Variants in SLC24A2 observed in about 807,000 individuals in gnomAD.
The protein encoded by SLC24A2 is solute carrier family 24 member 2.
Under a neutral mutation model 62.0 loss-of-function variants are expected in SLC24A2, and 36 were observed. That is an observed-to-expected ratio of 0.58 (90% CI 0.44 to 0.77). SLC24A2 has a LOEUF of 0.77. Ranked by LOEUF, SLC24A2 falls within the 30% of genes least tolerant of loss-of-function variation. The pLI, the probability that SLC24A2 is intolerant of heterozygous loss-of-function variation, is 0.00. For missense variants in SLC24A2, 846 were observed against 817.9 expected (o/e 1.03, Z -0.42); for synonymous variants, 358 against 294.0 (o/e 1.22, Z -2.23).
the SLC24A2 span, among the ~76,000 whole-genome samples, chr9:20,140,459 C>G: frequency 6.6e-6 from 1 of 152,214 alleles, no homozygotes; most frequent in Admixed American, 6.5e-5. Flanking sequence ...TGATGGTAAA[C>G]TTTCTATTCC....
the SLC24A2 span, among the ~76,000 whole-genome samples, chr9:19,915,713 A>G: frequency 6.6e-6 from 1 of 152,126 alleles, no homozygotes; most frequent in African/African-American, 2.4e-5. Flanking sequence ...TCACATACTT[A>G]TCAGCCATTT....
At chr9:20,282,093 TA>T in the SLC24A2 span, among the ~76,000 whole-genome samples, 2 of 152,132 alleles carry the variant, frequency 1.3e-5, no homozygotes, top group Middle Eastern at 3.2e-3. Flanking sequence ...TTTCTTTTAT[TA>T]AAATGATAGG....
chr9:19,947,803 A>AGG, the SLC24A2 span, among the ~76,000 whole-genome samples: 1 of 122,306 alleles, frequency 8.2e-6, no homozygotes, highest in African/African-American at 3.0e-5. Flanking sequence ...AAAAAAAAAA[A>AGG]AAAAAAAAGA....
intron 2 of SLC24A2, among the ~76,000 whole-genome samples, chr9:19,772,940 A>G (rs1184422375): frequency 2.0e-5 from 3 of 152,242 alleles, no homozygotes; most frequent in African/African-American, 7.2e-5. Flanking sequence ...AAAACAATCT[A>G]AATTCATTCA....
At chr9:19,586,973 C>T (rs775152005) in intron 5 of SLC24A2, among the ~76,000 whole-genome samples, 2 of 152,180 alleles carry the variant, frequency 1.3e-5, no homozygotes, top group East Asian at 1.9e-4. Context: ...AAGAGGTAAA[C>T]GAATGAAGAA....
chr9:19,854,375 G>C, the SLC24A2 span, among the ~76,000 whole-genome samples: 52 of 151,430 alleles, frequency 3.4e-4, no homozygotes, highest in African/African-American at 1.2e-3. Flanking sequence ...TGGTTCTCTA[G>C]TTGTGATGTT....
At chr9:19,858,334 C>T in the SLC24A2 span, among the ~76,000 whole-genome samples, 2 of 152,164 alleles carry the variant, frequency 1.3e-5, no homozygotes. Flanking sequence ...TCCTTTCTTA[C>T]ACCATACACA....
intron 2 of SLC24A2, among the ~76,000 whole-genome samples, chr9:19,743,602 G>C (rs958561648): frequency 6.6e-6 from 1 of 152,080 alleles, no homozygotes; most frequent in Non-Finnish European, 1.5e-5. Flanking sequence ...CAAAAAGAGA[G>C]AAAGATTTTG....
At chr9:20,275,117 C>G in the SLC24A2 span, among the ~76,000 whole-genome samples, 1 of 151,990 alleles carries the variant, frequency 6.6e-6, no homozygotes, top group African/African-American at 2.4e-5. Context: ...CTTCTGGCAT[C>G]TGAACTAAGA....
chr9:19,919,194 C>T, the SLC24A2 span, among the ~76,000 whole-genome samples: 2 of 152,164 alleles, frequency 1.3e-5, no homozygotes, highest in African/African-American at 4.8e-5. Context: ...AAGAATAGTG[C>T]TGGCTGTGGC....
the SLC24A2 span, among the ~76,000 whole-genome samples, chr9:20,248,317 T>C: frequency 1.3e-5 from 2 of 152,330 alleles, no homozygotes; most frequent in East Asian, 3.9e-4. Flanking sequence ...AAGAAAGATT[T>C]CAAAAATAGA....
At chr9:19,587,090 C>G (rs1050945204) in intron 5 of SLC24A2, among the ~76,000 whole-genome samples, 2 of 152,084 alleles carry the variant, frequency 1.3e-5, no homozygotes, top group African/African-American at 4.8e-5. Flanking sequence ...TTGTCAAAGC[C>G]CATATTTTGG....
the SLC24A2 span, among the ~76,000 whole-genome samples, chr9:20,296,486 G>T: frequency 4.6e-5 from 7 of 152,202 alleles, no homozygotes; most frequent in Non-Finnish European, 8.8e-5. Context: ...TGTTGACTTT[G>T]TGTGTAAGCA....
At chr9:19,636,326 T>TTCTTTTCTTTTCCTTC (rs1491476004) in intron 2 of SLC24A2, among the ~76,000 whole-genome samples, 1 of 26,874 alleles carries the variant, frequency 3.7e-5, no homozygotes, top group Non-Finnish European at 7.3e-5. Flanking sequence ...TTTCTTTCTT[T>TTCTTTTCTTTTCCTTC]CTTTCTTTCT....
intron 8 of SLC24A2, 116 bp from the exon 9 acceptor site, chr9:19,528,254 T>C: frequency 1.3e-6 from 1 of 745,084 alleles, no homozygotes; most frequent in Non-Finnish European, 2.4e-6. Flanking sequence ...TGCATCTTAG[T>C]AGGATTGGCA....
chr9:19,533,647 G>C (rs751953716), intron 8 of SLC24A2, among the ~76,000 whole-genome samples: 1 of 152,184 alleles, frequency 6.6e-6, no homozygotes, highest in African/African-American at 2.4e-5. Context: ...CAATAGCCCT[G>C]TACCAACCAG....
chr9:20,013,164 G>C, the SLC24A2 span, among the ~76,000 whole-genome samples: 1 of 152,024 alleles, frequency 6.6e-6, no homozygotes, highest in African/African-American at 2.4e-5. Flanking sequence ...ATTATAATGT[G>C]ATTGTAATGA....
chr9:19,896,081 A>G, the SLC24A2 span: 2 of 782,150 alleles, frequency 2.6e-6, no homozygotes, highest in Non-Finnish European at 4.2e-6. Flanking sequence ...GGAGGCAGTG[A>G]TGCCTCCTTG....
At chr9:19,757,228 G>A (rs571508461) in intron 2 of SLC24A2, among the ~76,000 whole-genome samples, 2 of 151,924 alleles carry the variant, frequency 1.3e-5, no homozygotes, top group East Asian at 1.9e-4. Context: ...TCTGTACCCC[G>A]AGAACTGAGC....
Sources: allele counts gnomAD v4.1 joint callset (sites outside exome capture counted in the v4.1 genomes callset), GRCh38; gene constraint gnomAD v4.1.1; transcripts MANE v1.5; gene names NCBI Gene and HGNC (gene_info 2026-07-23, HGNC 2026-07-21).